The following CSMD1 variants were observed in gnomAD, a reference collection of about 807,000 sequenced individuals.
CSMD1 encodes the protein CUB and Sushi multiple domains 1.
A neutral mutation model predicts 417.5 loss-of-function variants in CSMD1; 213 were observed. The ratio of observed to expected loss-of-function variants is 0.51; its 90% confidence interval spans 0.46 to 0.57. CSMD1 has a LOEUF of 0.57. CSMD1 is among the 20% of genes least tolerant of loss of function. The pLI, the probability that CSMD1 is intolerant of heterozygous loss-of-function variation, is 0.00. For missense variants in CSMD1, 6,923 were observed against 4,529.7 expected, an observed-to-expected ratio of 1.53 and a Z score of -15.17; for synonymous variants, 2,862 against 1,736.8, an observed-to-expected ratio of 1.65 and a Z score of -16.11.
intron 26 of CSMD1, among the ~76,000 whole-genome samples, chr8:3,280,102 C>T (rs1160903689): frequency 6.6e-6 from 1 of 152,140 alleles, no homozygotes; most frequent in Non-Finnish European, 1.5e-5. Context: ...TACTAGGCCT[C>T]TGTGCCCTGA....
At chr8:3,317,158 C>A (rs1805828233) in intron 23 of CSMD1, among the ~76,000 whole-genome samples, 1 of 152,272 alleles carries the variant, frequency 6.6e-6, no homozygotes, top group African/African-American at 2.4e-5. Context: ...GGAGAATCAT[C>A]AGCATTGTTG....
intron 21 of CSMD1, among the ~76,000 whole-genome samples, chr8:3,356,366 A>G (rs962585879): frequency 6.6e-6 from 1 of 152,176 alleles, no homozygotes; most frequent in African/African-American, 2.4e-5. Flanking sequence ...CAGTCTGAGG[A>G]GGGAGACAAA....
chr8:3,307,861 G>C lies in CSMD1; in HGVS notation c.3824-40C>G, dbSNP rs767080316. ...GAGAGATGGGAACGTTCAGCTTCAG[G>C]CATCACATGTTTCTATTTAGCTACT... On this transcript the variant is annotated intron_variant, in intron 24 of 69. Transcript: ENST00000635120. 1.9e-6 allele frequency: 3 copies of C among 1,593,626 alleles called. No homozygotes were observed. In the Admixed American group the frequency reaches 5.3e-5, roughly 28 times the overall value.
chr8:4,131,929 C>A (rs1368240494), intron 3 of CSMD1, among the ~76,000 whole-genome samples: 1 of 151,738 alleles, frequency 6.6e-6, no homozygotes, highest in East Asian at 1.9e-4. Context: ...CACCTGGCTA[C>A]TTTTTTGGTA....
intron 3 of CSMD1, among the ~76,000 whole-genome samples, chr8:4,336,791 G>A (rs866874798): frequency 3.9e-5 from 6 of 152,068 alleles, no homozygotes; most frequent in Non-Finnish European, 5.9e-5. Context: ...GGGAGATGCC[G>A]CCTGGATGAA....
At chr8:3,848,664 A>C (rs888741434) in intron 5 of CSMD1, among the ~76,000 whole-genome samples, 1 of 152,158 alleles carries the variant, frequency 6.6e-6, no homozygotes, top group East Asian at 1.9e-4. Flanking sequence ...CAGATTTTTC[A>C]TTTCAGATCC....
chr8:3,494,743 A>G (rs1432927960), intron 10 of CSMD1, among the ~76,000 whole-genome samples: 1 of 152,210 alleles, frequency 6.6e-6, no homozygotes, highest in Non-Finnish European at 1.5e-5. Flanking sequence ...GGTGTGAGAA[A>G]GGAAGGCGGA....
chr8:4,371,395 T>C (rs1160612566), intron 3 of CSMD1, among the ~76,000 whole-genome samples: 1 of 152,198 alleles, frequency 6.6e-6, no homozygotes, highest in Non-Finnish European at 1.5e-5. Context: ...ATTAAACATA[T>C]TTTTATTCTG....
chr8:3,811,139 T>C (rs1801050909), intron 5 of CSMD1, among the ~76,000 whole-genome samples: 1 of 152,212 alleles, frequency 6.6e-6, no homozygotes, highest in Admixed American at 6.5e-5. Flanking sequence ...ATAACTCCTC[T>C]ATGATATTAA....
chr8:4,817,749 T>A (rs552807052), intron 1 of CSMD1, among the ~76,000 whole-genome samples: 1 of 152,346 alleles, frequency 6.6e-6, no homozygotes, highest in East Asian at 1.9e-4. Flanking sequence ...ATAATGCAGC[T>A]ATCACGCTGA....
At chr8:4,843,800 A>T (rs186165520) in intron 1 of CSMD1, among the ~76,000 whole-genome samples, 2 of 152,230 alleles carry the variant, frequency 1.3e-5, no homozygotes, top group South Asian at 4.1e-4. Flanking sequence ...ACAAACTGAT[A>T]CAACGTAAAA....
At chr8:4,374,771 TG>T (rs1304496614) in intron 3 of CSMD1, among the ~76,000 whole-genome samples, 2 of 152,048 alleles carry the variant, frequency 1.3e-5, no homozygotes, top group African/African-American at 2.4e-5. Context: ...GTCTAATGAA[TG>T]GCCACCTGCT....
At chr8:4,394,418 G>C (rs544795831) in intron 3 of CSMD1, among the ~76,000 whole-genome samples, 2 of 152,044 alleles carry the variant, frequency 1.3e-5, no homozygotes, top group Non-Finnish European at 2.9e-5. Flanking sequence ...TCAATATTTC[G>C]TCCTATTCAA....
intron 6 of CSMD1, among the ~76,000 whole-genome samples, chr8:3,727,876 T>C (rs1354481426): frequency 4.6e-5 from 7 of 152,164 alleles, no homozygotes; most frequent in East Asian, 1.9e-4. Context: ...GGACAAATAC[T>C]GTATGATTTC....
chr8:4,130,490 C>T (rs562075729), intron 3 of CSMD1, among the ~76,000 whole-genome samples: 51 of 152,108 alleles, frequency 3.4e-4, no homozygotes, highest in African/African-American at 7.7e-4. Context: ...TACCCTGAGG[C>T]GAGTTGATTT....
At chr8:4,371,392 A>G (rs111962402) in intron 3 of CSMD1, among the ~76,000 whole-genome samples, 21 of 152,346 alleles carry the variant, frequency 1.4e-4, no homozygotes, top group African/African-American at 4.1e-4. Flanking sequence ...TGTATTAAAC[A>G]TATTTTTATT....
chr8:4,027,054 C>G (rs1435558872), intron 4 of CSMD1, among the ~76,000 whole-genome samples: 2 of 152,160 alleles, frequency 1.3e-5, no homozygotes, highest in Non-Finnish European at 2.9e-5. Flanking sequence ...GGAAAAGAAG[C>G]AGATAGTTCT....
At chr8:4,354,904 G>A (rs1015309732) in intron 3 of CSMD1, among the ~76,000 whole-genome samples, 2 of 147,542 alleles carry the variant, frequency 1.4e-5, no homozygotes, top group African/African-American at 5.2e-5. Context: ...GTGTGTGTGT[G>A]TGTGTTAAAT....
intron 1 of CSMD1, among the ~76,000 whole-genome samples, chr8:4,905,128 A>G (rs1229505600): frequency 6.6e-6 from 1 of 151,484 alleles, no homozygotes; most frequent in East Asian, 2.1e-4. Context: ...CTCAACTTTT[A>G]AATGTCATAA....
Sources: allele counts gnomAD v4.1 joint callset (sites outside exome capture counted in the v4.1 genomes callset), GRCh38; gene constraint gnomAD v4.1.1; transcripts MANE v1.5; gene names NCBI Gene and HGNC (gene_info 2026-07-23, HGNC 2026-07-21).